ITCH: variants seen among roughly 807,000 people sequenced by gnomAD.
ITCH encodes E3 ubiquitin-protein ligase Itchy homolog.
In ITCH, 28 loss-of-function variants were observed where a neutral mutation model predicts 126.8. The ratio of observed to expected loss-of-function variants is 0.22; its 90% confidence interval spans 0.16 to 0.30. ITCH has a LOEUF of 0.30. Ranked by LOEUF, ITCH falls within the 10% of genes least tolerant of loss-of-function variation. The pLI is 1.00. For synonymous variants in ITCH, 342 were observed against 340.0 expected, an observed-to-expected ratio of 1.01 and a Z score of -0.06; for missense variants, 631 against 1,032.4, an observed-to-expected ratio of 0.61 and a Z score of 5.33.
At chr20:34,473,423 T>C (rs1222498578) in intron 16 of ITCH, among the ~76,000 whole-genome samples, 1 of 152,228 alleles carries the variant, frequency 6.6e-6, no homozygotes, top group Non-Finnish European at 1.5e-5. Flanking sequence ...ACTGACACAC[T>C]GCAGCCCACG....
At position 34,434,340 on chromosome 20, in the gene ITCH, C is replaced by A. The variant is rs1053462647; in HGVS notation, c.522-4134C>A. Among the ~76,000 whole-genome samples the A allele has an allele frequency of 5.9e-5, 9 of 152,080 alleles. 1 individual carries two copies. The South Asian group carries it at 1.9e-3, about 32-fold the overall frequency. ...AAATAAAATGCACTAACTATATTAA[C>A]TGCATTTTAAAAAAGAGTATAGTGA... is the stretch of plus-strand genomic sequence containing the variant. On this transcript the variant is annotated intron_variant, in intron 7 of 24. Transcript: ENST00000374864.
chr20:34,387,664 C>T (rs1007906424), intron 2 of ITCH, among the ~76,000 whole-genome samples: 5 of 150,796 alleles, frequency 3.3e-5, no homozygotes, highest in Admixed American at 3.3e-4. Flanking sequence ...TTGTAACTGA[C>T]AGACTAATAG....
intron 23 of ITCH, among the ~76,000 whole-genome samples, chr20:34,500,966 G>T (rs900484255): frequency 6.6e-6 from 1 of 152,196 alleles, no homozygotes; most frequent in Non-Finnish European, 1.5e-5. Flanking sequence ...CCCCATGTCT[G>T]GGAAATACTG....
At chr20:34,476,143 G>A (rs1174961384) in intron 16 of ITCH, 1 of 832,252 alleles carries the variant, frequency 1.2e-6, no homozygotes, top group Non-Finnish European at 2.1e-6. Flanking sequence ...GGTTAAACAA[G>A]CCAGAGTTCC....
chr20:34,437,192 A>G (rs547847905), intron 7 of ITCH, among the ~76,000 whole-genome samples: 14 of 152,306 alleles, frequency 9.2e-5, no homozygotes, highest in Non-Finnish European at 1.6e-4. Context: ...GCTTGACTGT[A>G]GTACTTTTTT....
chr20:34,469,919 T>C, intron 14 of ITCH, 129 bp from the exon 15 acceptor site: 2 of 765,200 alleles, frequency 2.6e-6, no homozygotes, highest in South Asian at 1.4e-5. Flanking sequence ...AGAATGGTTT[T>C]GTTAGGAATA....
Position 34,414,457 on chromosome 20 carries a change from CTTT to C in ITCH, c.475+602_475+604del, listed in dbSNP as rs770240058. 5.1e-3 allele frequency among the ~76,000 whole-genome samples: 362 copies of C among 70,816 alleles called. 3 individuals are homozygous for C. The highest frequency in any genetic ancestry group is 0.02 in the African/African-American group (342 of 17,438). The allele number at this position is 70,816 out of a possible 152,430, so 46.5% of individuals were successfully genotyped here. Reference sequence around the variant, plus strand: ...CTGAGTTTAAATATGACTTTAAATCCTTTTTTTTTTTTTTTTTTTTTTTTTTAA... The same window carrying C: ...CTGAGTTTAAATATGACTTTAAATCCTTTTTTTTTTTTTTTTTTTTTTTAA... On this transcript the variant is annotated intron_variant, in intron 6 of 24. Coordinates refer to ENST00000374864, the MANE Select transcript of ITCH (RefSeq NM_031483.7).
intron 2 of ITCH, among the ~76,000 whole-genome samples, chr20:34,378,402 G>A (rs1276100611): frequency 6.7e-6 from 1 of 149,740 alleles, no homozygotes; most frequent in East Asian, 2.0e-4. Context: ...GAACCCAGGA[G>A]GCAGAGGTTG....
chr20:34,460,880 G>T (rs1189082936), intron 13 of ITCH, among the ~76,000 whole-genome samples: 1 of 152,046 alleles, frequency 6.6e-6, no homozygotes, highest in Non-Finnish European at 1.5e-5. Flanking sequence ...ATTTAACCGG[G>T]TGTGGTGGTA....
At chr20:34,401,544 A>G (rs1023658881) in intron 3 of ITCH, 55 of 601,654 alleles carry the variant, frequency 9.1e-5, no homozygotes, top group Non-Finnish European at 1.0e-4. Flanking sequence ...AGGGTGGAGT[A>G]AAAAGGCAAC....
intron 20 of ITCH, among the ~76,000 whole-genome samples, chr20:34,482,607 T>G (rs773495918): frequency 6.6e-6 from 1 of 152,222 alleles, no homozygotes; most frequent in Non-Finnish European, 1.5e-5. Flanking sequence ...TGGGCAACAC[T>G]GCCCTTGGGG....
chr20:34,479,577 G>A, intron 17 of ITCH, 53 bp from the exon 18 acceptor site: 1 of 1,500,610 alleles, frequency 6.7e-7, no homozygotes, highest in Non-Finnish European at 9.3e-7. Context: ...ACTGTTCTTT[G>A]ATTTCTTGGT....
At chr20:34,475,482 G>A (rs1373120614) in intron 16 of ITCH, among the ~76,000 whole-genome samples, 2 of 152,162 alleles carry the variant, frequency 1.3e-5, no homozygotes, top group Admixed American at 6.5e-5. Flanking sequence ...TCGAAATCCC[G>A]TCTCCACCAA....
At position 34,507,902 on chromosome 20, in the gene ITCH, T is replaced by C; in HGVS notation, c.*108T>C. On this transcript the variant is annotated 3_prime_UTR_variant, in exon 25 of 25. Coordinates refer to ENST00000374864, the MANE Select transcript of ITCH (RefSeq NM_031483.7). ...TGGACAATGGCTCTTTAGAGAGTTA[T>C]CTGAGTGTAAGTAAATTAATGTTCT... 2.6e-6 allele frequency: 2 copies of C among 781,374 alleles called. No individual in the cohort carries two copies. The highest frequency in any genetic ancestry group is 4.5e-6 in the Non-Finnish European group (2 of 443,524). 48.4% of individuals were successfully genotyped at this position (781,374 alleles called of 1,614,324 possible).
intron 1 of ITCH, among the ~76,000 whole-genome samples, chr20:34,365,935 T>TA (rs2037405725): frequency 6.6e-6 from 1 of 152,198 alleles, no homozygotes; most frequent in African/African-American, 2.4e-5. Context: ...ACTGTAGACT[T>TA]ACCAAGGAAA....
intron 10 of ITCH, among the ~76,000 whole-genome samples, chr20:34,443,990 C>T (rs1984108309): frequency 6.6e-6 from 1 of 152,142 alleles, no homozygotes; most frequent in East Asian, 1.9e-4. Flanking sequence ...ATCCTCCCTG[C>T]ATCTGCCCAC....
At chr20:34,416,671 T>C (rs527525752) in intron 6 of ITCH, among the ~76,000 whole-genome samples, 69 of 152,316 alleles carry the variant, frequency 4.5e-4, no homozygotes, top group African/African-American at 1.6e-3. Context: ...ATGGCAGTTA[T>C]ATAAATAAAC....
At chr20:34,475,540 A>G (rs1988122855) in intron 16 of ITCH, among the ~76,000 whole-genome samples, 3 of 152,044 alleles carry the variant, frequency 2.0e-5, no homozygotes, top group Admixed American at 2.0e-4. Context: ...CTGCAATCGT[A>G]GGCACTGGGC....
chr20:34,506,700 G>T (rs549924029), intron 24 of ITCH, among the ~76,000 whole-genome samples: 1 of 152,262 alleles, frequency 6.6e-6, no homozygotes, highest in Admixed American at 6.5e-5. Context: ...TGCCAAAAAG[G>T]CTGGAGACTG....
Sources: allele counts gnomAD v4.1 joint callset (sites outside exome capture counted in the v4.1 genomes callset), GRCh38; gene constraint gnomAD v4.1.1; transcripts MANE v1.5; gene names NCBI Gene and HGNC (gene_info 2026-07-23, HGNC 2026-07-21).